Variants in STON2 observed in about 807,000 individuals in gnomAD.
STON2 encodes stonin 2.
A neutral mutation model predicts 65.7 loss-of-function variants in STON2; 29 were observed. The ratio of observed to expected loss-of-function variants is 0.44; its 90% CI spans 0.33 to 0.60. STON2 has a LOEUF of 0.60. STON2 is among the 20% of genes least tolerant of loss of function. STON2 has a pLI of 0.03. For missense variants in STON2, 1,054 were observed against 1,118.1 expected, an observed-to-expected ratio of 0.94 and a Z score of 0.82; for synonymous variants, 404 against 414.2, an observed-to-expected ratio of 0.98 and a Z score of 0.30.
chr14:81,322,898 A>G (rs1285508791), intron 5 of STON2, among the ~76,000 whole-genome samples: 1 of 152,216 alleles, frequency 6.6e-6, no homozygotes, highest in Non-Finnish European at 1.5e-5. Flanking sequence ...GTTGCCTAAA[A>G]CAAACCTGTG....
intron 3 of STON2, among the ~76,000 whole-genome samples, chr14:81,392,401 T>A (rs1320104057): frequency 6.6e-6 from 1 of 152,124 alleles, no homozygotes; most frequent in African/African-American, 2.4e-5. Flanking sequence ...CCCCTCTTTT[T>A]TCCTTTTCAC....
chr14:81,353,579 C>T (rs1441789251), intron 4 of STON2, among the ~76,000 whole-genome samples: 1 of 152,202 alleles, frequency 6.6e-6, no homozygotes, highest in African/African-American at 2.4e-5. Flanking sequence ...CTTTACTCCT[C>T]CCCTTCCCCC....
intron 5 of STON2, among the ~76,000 whole-genome samples, chr14:81,320,015 G>C (rs1454238353): frequency 1.3e-5 from 2 of 152,168 alleles, no homozygotes; most frequent in Non-Finnish European, 2.9e-5. Flanking sequence ...TTGCTTATGA[G>C]TCTATGGATC....
chr14:81,349,625 G>T (rs1407240121), intron 4 of STON2, among the ~76,000 whole-genome samples: 1 of 152,236 alleles, frequency 6.6e-6, no homozygotes, highest in Middle Eastern at 3.4e-3. Context: ...AATACTGCTG[G>T]TGGGAATGTA....
intron 2 of STON2, among the ~76,000 whole-genome samples, chr14:81,420,325 A>G (rs569050748): frequency 5.3e-5 from 8 of 152,222 alleles, no homozygotes; most frequent in Admixed American, 2.0e-4. Context: ...CGTAGAATAT[A>G]AAGAGATGAT....
chr14:81,306,220 CTTTTTTTTTTTTTTTTT>C (rs59730707), intron 5 of STON2, among the ~76,000 whole-genome samples: 1 of 69,490 alleles, frequency 1.4e-5, no homozygotes, highest in Non-Finnish European at 2.6e-5. Context: ...CATACATACT[CTTTTTTTTTTTTTTTTT>C]TTTTTTTTTT....
chr14:81,302,373 A>G (rs945922954), intron 5 of STON2, among the ~76,000 whole-genome samples: 4 of 152,232 alleles, frequency 2.6e-5, no homozygotes, highest in South Asian at 2.1e-4. Flanking sequence ...GTAGTGATGG[A>G]AAGTCTCACT....
At chr14:81,322,447 C>T (rs2140244575) in intron 5 of STON2, among the ~76,000 whole-genome samples, 1 of 152,274 alleles carries the variant, frequency 6.6e-6, no homozygotes, top group Admixed American at 6.5e-5. Context: ...GCTCACTTGG[C>T]CTCCAAATAA....
chr14:81,400,442 C>G (rs929687105), upstream of STON2, among the ~76,000 whole-genome samples: 1 of 133,298 alleles, frequency 7.5e-6, no homozygotes, highest in Non-Finnish European at 1.5e-5. Context: ...CCTCTTTCAA[C>G]GACAGCAGCA....
At chr14:81,355,463 G>C (rs1898189441) in intron 4 of STON2, among the ~76,000 whole-genome samples, 1 of 152,092 alleles carries the variant, frequency 6.6e-6, no homozygotes, top group Non-Finnish European at 1.5e-5. Flanking sequence ...AGAAACTGTA[G>C]GTCTGGAGAG....
In STON2 at chr14:81,368,161, T is replaced by C. The variant is rs536359518; in HGVS notation, c.571+2827A>G. Among the ~76,000 whole-genome samples, 11 of 152,228 alleles carry C rather than the reference T, an allele frequency of 7.2e-5. No homozygotes were observed. In the South Asian group the frequency reaches 1.5e-3, roughly 20 times the overall value. The stretch of plus-strand genomic sequence containing the variant: ...TGTATGGAAGGTCTGGGGGGTAACA[T>C]AGCAAATAAATAACTATGGTGACTG... On this transcript the variant is annotated intron_variant, in intron 4 of 7. Transcript: ENST00000614646.
At chr14:81,431,360 G>A (rs148034681) in intron 1 of STON2, among the ~76,000 whole-genome samples, 9 of 152,194 alleles carry the variant, frequency 5.9e-5, no homozygotes, top group African/African-American at 1.9e-4. Context: ...ATAGAAGGCC[G>A]GATGCAGTGG....
At chr14:81,270,378 C>G (rs1362774671) in intron 7 of STON2, 1 of 1,370,548 alleles carries the variant, frequency 7.3e-7, no homozygotes, top group East Asian at 2.7e-5. Context: ...AGCCACTGTG[C>G]CTGGCCCCCA....
intron 1 of STON2, among the ~76,000 whole-genome samples, chr14:81,435,331 G>A (rs935753902): frequency 6.6e-6 from 1 of 152,086 alleles, no homozygotes; most frequent in Non-Finnish European, 1.5e-5. Flanking sequence ...GTTTGGACAC[G>A]TCTGATTTAC....
At chr14:81,363,235 AATGAG>A (rs1190565524) in intron 4 of STON2, among the ~76,000 whole-genome samples, 2 of 152,212 alleles carry the variant, frequency 1.3e-5, no homozygotes, top group African/African-American at 4.8e-5. Flanking sequence ...GTGAAGATTA[AATGAG>A]ATAATATATG....
rs1898958725 is a variant in STON2 at position 81,370,993 on chromosome 14, G to C, written c.566C>G (p.Ser189Ter). 1 of 1,612,262 alleles carries C rather than the reference G, an allele frequency of 6.2e-7. No homozygotes were observed. The highest frequency in any genetic ancestry group is 1.1e-5 in the South Asian group (1 of 90,992). Residue 189 changes from serine (S) to a stop codon, truncating the protein, a stop_gained, in exon 4 of 8, where the codon TCA becomes TGA. Coordinates refer to ENST00000614646, the MANE Select transcript of STON2 (RefSeq NM_001394390.1). LOFTEE classifies it high-confidence loss of function. Reference sequence around the variant, plus strand: ...GGCTTAGAGCTCCATCTTACCAGTTGAGTCAGCCCCAGAAGCCTGGCCACT... The same window carrying C: ...GGCTTAGAGCTCCATCTTACCAGTTCAGTCAGCCCCAGAAGCCTGGCCACT... ...QTSGQASGADSTDKRTEWQTG... is the reference protein window; with the variant it reads ...QTSGQASGAD
chr14:81,386,061 C>G (rs921460490), intron 3 of STON2, among the ~76,000 whole-genome samples: 1 of 152,132 alleles, frequency 6.6e-6, no homozygotes, highest in Non-Finnish European at 1.5e-5. Flanking sequence ...AGAGGCAGTG[C>G]AATTACAGCA....
intron 2 of STON2, among the ~76,000 whole-genome samples, chr14:81,424,455 T>C (rs1025325202): frequency 6.6e-6 from 1 of 150,938 alleles, no homozygotes; most frequent in Non-Finnish European, 1.5e-5. Flanking sequence ...AAAAAAAATA[T>C]TTTTCTGATT....
Position 81,267,145 on chromosome 14 carries a change from C to CT in STON2, c.*1268dup. The CT allele has an allele frequency of 3.0e-6, 3 of 985,036 alleles. No homozygotes were observed. Among genetic ancestry groups the CT allele is most frequent in the Non-Finnish European group, 3.6e-6 (3 of 829,876 alleles). The allele number at this position is 985,036 out of a possible 1,614,324, so 61.0% of individuals were successfully genotyped here. A position where few individuals can be genotyped will look rare whatever the true frequency, so the allele number is the denominator to read the frequency against. On this transcript the variant is annotated 3_prime_UTR_variant, in exon 8 of 8. Transcript: ENST00000614646. ...CTTGTATTCTTCATGGGAGAAAACA[C>CT]TAAGATACAAATAAGAAGCAGAGGT...
Sources: allele counts gnomAD v4.1 joint callset (sites outside exome capture counted in the v4.1 genomes callset), GRCh38; gene constraint gnomAD v4.1.1; transcripts MANE v1.5; gene names NCBI Gene and HGNC (gene_info 2026-07-23, HGNC 2026-07-21).